ONECUT3: variants seen among roughly 807,000 people sequenced by gnomAD.
ONECUT3 encodes the protein one cut homeobox 3.
Under a neutral mutation model 16.8 loss-of-function variants are expected in ONECUT3, and 11 were observed. That is an observed-to-expected ratio of 0.66 (90% CI 0.41 to 1.09). The LOEUF is 1.09. Ranked by LOEUF, ONECUT3 falls within the 50% of genes least tolerant of loss-of-function variation. ONECUT3 has a pLI of 0.00. For synonymous variants in ONECUT3, 344 were observed against 310.7 expected (o/e 1.11, Z -1.13); for missense variants, 637 against 629.9 (o/e 1.01, Z -0.12).
intron 1 of ONECUT3, among the ~76,000 whole-genome samples, chr19:1,774,709 G>A (rs1475622612): frequency 6.8e-6 from 1 of 147,772 alleles, no homozygotes; most frequent in East Asian, 2.0e-4. Flanking sequence ...GGCTTGGGGG[G>A]TGCCTGAGTG....
chr19:1,757,709 A>T (rs1346811195), intron 1 of ONECUT3, among the ~76,000 whole-genome samples: 1 of 152,220 alleles, frequency 6.6e-6, no homozygotes, highest in African/African-American at 2.4e-5. Flanking sequence ...CCGCGGGGTC[A>T]CTAGGCTCCG....
Position 1,775,522 on chromosome 19 carries a change from G to A in ONECUT3, c.*77G>A, listed in dbSNP as rs1197678819. The A allele has an allele frequency of 4.9e-5, 67 of 1,380,354 alleles. No individual in the cohort carries two copies. Among genetic ancestry groups the A allele is most frequent in the Non-Finnish European group, 6.3e-5 (67 of 1,070,050 alleles). 85.5% of individuals were successfully genotyped at this position (1,380,354 alleles called of 1,614,324 possible). A position where few individuals can be genotyped will look rare whatever the true frequency, so the allele number is the denominator to read the frequency against. On this transcript the variant is annotated 3_prime_UTR_variant, in exon 2 of 2. Transcript: ENST00000382349. ...CCACGTCACCTCCCCACATCCTGCC[G>A]GCCCGGAGACCCGCCCCCAGGGGGC...
At chr19:1,756,821 T>C (rs2067918809) in intron 1 of ONECUT3, among the ~76,000 whole-genome samples, 1 of 150,650 alleles carries the variant, frequency 6.6e-6, no homozygotes, top group Admixed American at 6.7e-5. Flanking sequence ...GTGCTGGGAT[T>C]ACACAGGCTT....
At position 1,764,592 on chromosome 19, in the gene ONECUT3, C is replaced by A. The variant is rs1424885442; in HGVS notation, c.1192+9738C>A. ...GGGCCAGATGAGGGGCTGGGGAGGC[C>A]TCTGGGGGTCCACGCCTGGGGCATG... On this transcript the variant is annotated intron_variant, in intron 1 of 1. Coordinates refer to ENST00000382349, the MANE Select transcript of ONECUT3 (RefSeq NM_001080488.2). This position sits in a 1 kb window ranked among gnomAD's most constrained non-coding sequence, Gnocchi z 5.0. Among the ~76,000 whole-genome samples the A allele has an allele frequency of 6.6e-6, 1 of 151,972 alleles. No homozygotes were observed. The highest frequency in any genetic ancestry group is 1.5e-5 in the Non-Finnish European group (1 of 67,962).
At chr19:1,774,922 T>C (rs2068090739) in intron 1 of ONECUT3, among the ~76,000 whole-genome samples, 1 of 152,030 alleles carries the variant, frequency 6.6e-6, no homozygotes, top group African/African-American at 2.4e-5. Flanking sequence ...TGTTTCCCTG[T>C]CTCTGTCTCT....
intron 1 of ONECUT3, among the ~76,000 whole-genome samples, chr19:1,761,489 G>A (rs1055361865): frequency 1.1e-4 from 16 of 152,232 alleles, no homozygotes; most frequent in Non-Finnish European, 1.5e-5. Context: ...TCCTGTGGTG[G>A]CCTACAGTGC....
In ONECUT3 at chr19:1,764,504, G is replaced by A. The variant is rs914014238; in HGVS notation, c.1192+9650G>A. Among the ~76,000 whole-genome samples the A allele has an allele frequency of 1.3e-5, 2 of 152,156 alleles. No individual in the cohort carries two copies. Among genetic ancestry groups the A allele is most frequent in the Admixed American group, 1.3e-4 (2 of 15,274 alleles). On this transcript the variant is annotated intron_variant, in intron 1 of 1. Coordinates refer to ENST00000382349, the MANE Select transcript of ONECUT3 (RefSeq NM_001080488.2). This position sits in a 1 kb window ranked among gnomAD's most constrained non-coding sequence, Gnocchi z 5.0. ...GGCCAAGGTGGGCTCCGCGTGAGAT[G>A]TGGGCAGGGCAGGCATGGGGAGGGT... is the stretch of plus-strand genomic sequence containing the variant.
intron 1 of ONECUT3, among the ~76,000 whole-genome samples, chr19:1,757,021 C>G (rs1229631651): frequency 1.3e-5 from 2 of 152,058 alleles, no homozygotes; most frequent in Non-Finnish European, 2.9e-5. Context: ...TTCCCACTGT[C>G]ACGTTATGTA....
chr19:1,763,167 C>T (rs1484266729), intron 1 of ONECUT3, among the ~76,000 whole-genome samples: 1 of 151,828 alleles, frequency 6.6e-6, no homozygotes, highest in East Asian at 1.9e-4. Flanking sequence ...AGTTCGAGAC[C>T]AGCCTGGCCA....
intron 1 of ONECUT3, among the ~76,000 whole-genome samples, chr19:1,756,739 A>G (rs1404878116): frequency 3.7e-5 from 4 of 108,302 alleles, no homozygotes; most frequent in Non-Finnish European, 5.3e-5. Flanking sequence ...GTAGAGATGG[A>G]GTTTCACCAT....
At position 1,759,875 on chromosome 19, in the gene ONECUT3, A is replaced by G. The variant is rs963457804; in HGVS notation, c.1192+5021A>G. On this transcript the variant is annotated intron_variant, in intron 1 of 1. Transcript: ENST00000382349. This position sits in a 1 kb window ranked among gnomAD's most constrained non-coding sequence, Gnocchi z 4.1. Reference sequence around the variant, plus strand: ...ATAGACCGAGACCGTGCCCAGGGCCACGAGAACCAGACCCACGTGGGGCTG... The same window carrying G: ...ATAGACCGAGACCGTGCCCAGGGCCGCGAGAACCAGACCCACGTGGGGCTG... 6.6e-6 allele frequency among the ~76,000 whole-genome samples: 1 copy of G among 152,100 alleles called. No individual in the cohort carries two copies. Among genetic ancestry groups the G allele is most frequent in the African/African-American group, 2.4e-5 (1 of 41,444 alleles).
chr19:1,757,497 C>A (rs1249996495), intron 1 of ONECUT3, among the ~76,000 whole-genome samples: 1 of 152,218 alleles, frequency 6.6e-6, no homozygotes, highest in Non-Finnish European at 1.5e-5. Context: ...GGCGCTGGGG[C>A]GTTGAGGATG....
In ONECUT3 at chr19:1,754,931, G is replaced by A. The variant is rs2067908704; in HGVS notation, c.1192+77G>A. ...CCGAGCACCTAGCGGGGCGGCGGCC[G>A]ATGCCCGGGGCCAGCGCCCCAAGCC... On this transcript the variant is annotated intron_variant, in intron 1 of 1. Coordinates refer to ENST00000382349, the MANE Select transcript of ONECUT3 (RefSeq NM_001080488.2). This position sits in a 1 kb window ranked among gnomAD's most constrained non-coding sequence, Gnocchi z 7.4. 3 of 1,282,584 alleles carry A rather than the reference G, an allele frequency of 2.3e-6. No individual in the cohort carries two copies. The highest frequency in any genetic ancestry group is 3.0e-6 in the Non-Finnish European group (3 of 1,013,164). 79.5% of individuals were successfully genotyped at this position (1,282,584 alleles called of 1,614,324 possible).
At chr19:1,757,632 G>A (rs780230557) in intron 1 of ONECUT3, among the ~76,000 whole-genome samples, 49 of 152,036 alleles carry the variant, frequency 3.2e-4, no homozygotes, top group Admixed American at 1.2e-3. Flanking sequence ...CGCGTCTCAG[G>A]TGCCCTGGGG....
At chr19:1,772,139 A>G (rs894349057) in intron 1 of ONECUT3, among the ~76,000 whole-genome samples, 1 of 150,518 alleles carries the variant, frequency 6.6e-6, no homozygotes, top group East Asian at 2.0e-4. Flanking sequence ...CCTCCCCAGT[A>G]GCTGGGATTC....
rs756964940 is a variant in ONECUT3, at chr19:1,775,356, C to G, written c.1396C>G (p.Arg466Gly). The G allele has an allele frequency of 6.9e-7, 1 of 1,444,740 alleles. No individual in the cohort carries two copies. The highest frequency in any genetic ancestry group is 9.2e-7 in the Non-Finnish European group (1 of 1,081,564). The allele number at this position is 1,444,740 out of a possible 1,614,324, so 89.5% of individuals were successfully genotyped here. Residue 466 changes from arginine (R) to glycine (G), a missense_variant, in exon 2 of 2, where the codon CGG becomes GGG. Transcript: ENST00000382349. ...CGTCAGCAACTTCTTCATGAACGCG[C>G]GGCGCCGCTGCATGAACCGCTGGGC... ...NTVSNFFMNARRRCMNRWAEE... is the reference protein window; with the variant it reads ...NTVSNFFMNAGRRCMNRWAEE...
intron 1 of ONECUT3, among the ~76,000 whole-genome samples, chr19:1,756,272 G>A (rs1364981831): frequency 6.6e-6 from 1 of 152,218 alleles, no homozygotes; most frequent in Non-Finnish European, 1.5e-5. Flanking sequence ...AAGGTGACTA[G>A]CTGGAACCTC....
In ONECUT3 at chr19:1,753,977, C is replaced by A; in HGVS notation, c.315C>A (p.Tyr105Ter). The A allele has an allele frequency of 5.0e-6, 5 of 994,764 alleles. No individual in the cohort carries two copies. Among genetic ancestry groups the A allele is most frequent in the Non-Finnish European group, 6.0e-6 (5 of 837,270 alleles). The allele number at this position is 994,764 out of a possible 1,614,324, so 61.6% of individuals were successfully genotyped here. A position where few individuals can be genotyped will look rare whatever the true frequency, so the allele number is the denominator to read the frequency against. The change falls in exon 1 of 2, where the codon TAC becomes TAA. Residue 105 changes from tyrosine (Y) to a stop codon, truncating the protein, a stop_gained. Coordinates refer to ENST00000382349, the MANE Select transcript of ONECUT3 (RefSeq NM_001080488.2). LOFTEE classifies it high-confidence loss of function. ...AGGCGCCGGGCCTGGGCGGCACCTA[C>A]ACGACGCTCACGCCCCTGCAGCACC... ...ACEAPGLGGTYTTLTPLQHLP... is the reference protein window; with the variant it reads ...ACEAPGLGGT
Position 1,775,473 on chromosome 19 carries a change from C to T in ONECUT3, c.*28C>T. On this transcript the variant is annotated 3_prime_UTR_variant, in exon 2 of 2. Transcript: ENST00000382349. ...CGCCCCGGCCCCGCGCCCTCCCTGC[C>T]TCCACGGCCTGGGCGCTGTGCCCCC... 1 of 1,436,802 alleles carries T rather than the reference C, an allele frequency of 7.0e-7. No homozygotes were observed. The highest frequency in any genetic ancestry group is 2.8e-5 in the East Asian group (1 of 36,062). The allele number at this position is 1,436,802 out of a possible 1,614,324, so 89.0% of individuals were successfully genotyped here. A position where few individuals can be genotyped will look rare whatever the true frequency, so the allele number is the denominator to read the frequency against.
Sources: allele counts gnomAD v4.1 joint callset (sites outside exome capture counted in the v4.1 genomes callset), GRCh38; gene constraint gnomAD v4.1.1; non-coding constraint Gnocchi (gnomAD v3.1); transcripts MANE v1.5; gene names NCBI Gene and HGNC (gene_info 2026-07-23, HGNC 2026-07-21).